FOXP2: variants seen among roughly 807,000 people sequenced by gnomAD.
The protein encoded by FOXP2 is forkhead box P2.
Under a neutral mutation model 115.8 loss-of-function variants are expected in FOXP2, and 12 were observed. That is an observed-to-expected ratio of 0.10 (90% confidence interval 0.07 to 0.17). FOXP2 has a LOEUF of 0.17. Ranked by LOEUF, FOXP2 falls within the 10% of genes least tolerant of loss-of-function variation. The pLI is 1.00. For missense variants in FOXP2, 629 were observed against 843.5 expected, an observed-to-expected ratio of 0.75 and a Z score of 3.15; for synonymous variants, 328 against 297.7, an observed-to-expected ratio of 1.10 and a Z score of -1.05.
At chr7:114,474,740 A>C (rs913599909) in intron 2 of FOXP2, among the ~76,000 whole-genome samples, 3 of 152,166 alleles carry the variant, frequency 2.0e-5, no homozygotes, top group Non-Finnish European at 2.9e-5. Flanking sequence ...CAATCCATGC[A>C]GTAATTCAAT....
At chr7:114,522,012 T>C (rs577638851) in intron 2 of FOXP2, among the ~76,000 whole-genome samples, 190 of 152,294 alleles carry the variant, frequency 1.2e-3, no homozygotes, top group Non-Finnish European at 2.2e-3. Context: ...GTCTTTTAAA[T>C]GACTAGGTGC....
intron 2 of FOXP2, among the ~76,000 whole-genome samples, chr7:114,291,984 G>GAATATATATTATAGAT (rs1796614314): frequency 8.6e-6 from 1 of 116,574 alleles, no homozygotes; most frequent in African/African-American, 3.1e-5. Context: ...ATAATATATA[G>GAATATATATTATAGAT]AATATATATT....
At chr7:114,467,826 G>A (rs1387294794) in intron 2 of FOXP2, among the ~76,000 whole-genome samples, 2 of 152,124 alleles carry the variant, frequency 1.3e-5, no homozygotes, top group African/African-American at 2.4e-5. Flanking sequence ...ATTGACATTT[G>A]GAGTGGATCT....
At chr7:114,487,081 G>C (rs932061998) in intron 2 of FOXP2, among the ~76,000 whole-genome samples, 2 of 152,312 alleles carry the variant, frequency 1.3e-5, no homozygotes, top group South Asian at 2.1e-4. Flanking sequence ...CTTTTGCACT[G>C]CCCTAGCAGA....
intron 1 of FOXP2, among the ~76,000 whole-genome samples, chr7:114,146,789 G>A (rs916580101): frequency 6.6e-6 from 1 of 152,166 alleles, no homozygotes; most frequent in Non-Finnish European, 1.5e-5. Context: ...TTACTTGGCA[G>A]CAGGCTGAAA....
chr7:114,313,126 C>G (rs1174175493), intron 2 of FOXP2, among the ~76,000 whole-genome samples: 1 of 152,292 alleles, frequency 6.6e-6, no homozygotes, highest in East Asian at 1.9e-4. Context: ...AGGAAAGTTT[C>G]TAGACTCACT....
chr7:114,427,856 G>A lies in FOXP2; in HGVS notation c.168+1177G>A, dbSNP rs1487968040. ...TTTTCAAGAATAATCTTTTATAAGA[G>A]CTACATAGTACTTTTGAATGGTTTA... is the stretch of plus-strand genomic sequence containing the variant. On this transcript the variant is annotated intron_variant, in intron 2 of 16. Coordinates refer to ENST00000350908, the MANE Select transcript of FOXP2 (RefSeq NM_014491.4). 2.6e-5 allele frequency among the ~76,000 whole-genome samples: 4 copies of A among 151,570 alleles called. No individual in the cohort carries two copies. The East Asian group carries it at 7.8e-4, about 29-fold the overall frequency.
At chr7:114,468,209 A>G (rs1795895060) in intron 2 of FOXP2, among the ~76,000 whole-genome samples, 1 of 152,164 alleles carries the variant, frequency 6.6e-6, no homozygotes, top group Non-Finnish European at 1.5e-5. Context: ...TTCTCCTCTG[A>G]AATCCTCTTA....
At chr7:114,088,750 G>T in intron 1 of FOXP2, among the ~76,000 whole-genome samples, 1 of 152,204 alleles carries the variant, frequency 6.6e-6, no homozygotes, top group East Asian at 1.9e-4. Flanking sequence ...CTGTCACTAT[G>T]AGTTATGGAT....
intron 16 of FOXP2, among the ~76,000 whole-genome samples, chr7:114,670,828 T>G (rs1807450436): frequency 1.3e-5 from 2 of 152,106 alleles, no homozygotes; most frequent in Non-Finnish European, 2.9e-5. Flanking sequence ...GCTCTGTATT[T>G]CAGAGGAAAG....
At chr7:114,622,920 A>G (rs572693385) in intron 3 of FOXP2, among the ~76,000 whole-genome samples, 1 of 152,108 alleles carries the variant, frequency 6.6e-6, no homozygotes, top group East Asian at 1.9e-4. Context: ...GAATGGATCT[A>G]GCTCACTAGC....
chr7:114,309,458 G>T (rs957977435), intron 2 of FOXP2, among the ~76,000 whole-genome samples: 1 of 152,204 alleles, frequency 6.6e-6, no homozygotes, highest in Non-Finnish European at 1.5e-5. Flanking sequence ...TGTGTGTCCA[G>T]TTTATGATGG....
chr7:114,218,839 T>C (rs924362660), intron 1 of FOXP2, among the ~76,000 whole-genome samples: 6 of 152,184 alleles, frequency 3.9e-5, no homozygotes, highest in Non-Finnish European at 8.8e-5. Context: ...GCCACATTTC[T>C]ATAGCAACAG....
chr7:114,384,502 G>T (rs4291206), intron 2 of FOXP2, among the ~76,000 whole-genome samples: 146,650 of 152,146 alleles, frequency 0.96, 70,897 homozygotes, highest in East Asian at 1. Flanking sequence ...CCGTATCAAT[G>T]ACTGAATACC....
At chr7:114,491,800 G>T (rs933675945) in intron 2 of FOXP2, among the ~76,000 whole-genome samples, 40 of 152,102 alleles carry the variant, frequency 2.6e-4, no homozygotes, top group Admixed American at 6.6e-5. Context: ...ATGTGCTGCT[G>T]GATTCGGTTT....
chr7:114,114,221 A>T (rs929253643), intron 1 of FOXP2, among the ~76,000 whole-genome samples: 8 of 151,272 alleles, frequency 5.3e-5, no homozygotes, highest in African/African-American at 1.9e-4. Flanking sequence ...ATTTTGAAAA[A>T]GAAGAATATA....
At chr7:114,372,933 T>C (rs1792048914) in intron 2 of FOXP2, among the ~76,000 whole-genome samples, 1 of 152,176 alleles carries the variant, frequency 6.6e-6, no homozygotes, top group African/African-American at 2.4e-5. Flanking sequence ...CATTTTTAAT[T>C]GTCATTTAAG....
chr7:114,491,610 G>A (rs1481730103), intron 2 of FOXP2, among the ~76,000 whole-genome samples: 1 of 151,996 alleles, frequency 6.6e-6, no homozygotes, highest in African/African-American at 2.4e-5. Context: ...GTATTGCCTA[G>A]GTTTTCTTCT....
chr7:114,106,358 C>CTTTTTTT (rs199504822), intron 1 of FOXP2, among the ~76,000 whole-genome samples: 1 of 141,916 alleles, frequency 7.0e-6, no homozygotes, highest in African/African-American at 2.6e-5. Flanking sequence ...CTGTCCCCTC[C>CTTTTTTT]TTTTTTTTTT....
Sources: gnomAD v4.1 joint callset for allele counts (sites outside exome capture counted in the v4.1 genomes callset) on GRCh38, gnomAD v4.1.1 for gene constraint, MANE v1.5 for transcripts, NCBI Gene and HGNC (gene_info 2026-07-23, HGNC 2026-07-21) for gene names.